The following NRXN3 variants were observed in gnomAD, a reference collection of about 807,000 sequenced individuals.
NRXN3 encodes neurexin 3, also known as neurexin III.
Under a neutral mutation model 137.6 loss-of-function variants are expected in NRXN3, and 32 were observed. The ratio of observed to expected loss-of-function variants is 0.23; its 90% CI spans 0.18 to 0.31. The LOEUF (loss-of-function observed/expected upper bound fraction) is 0.31, where lower values mean the gene tolerates loss of function less well. NRXN3 is among the 10% of genes least tolerant of loss of function. The probability of loss-of-function intolerance (pLI) is 1.00; values close to 1 mark genes in which losing one functional copy is unlikely to be tolerated. For synonymous variants in NRXN3, 798 were observed against 784.5 expected (o/e 1.02, Z -0.29); for missense variants, 1,574 against 2,062.5 (o/e 0.76, Z 4.59).
At chr14:79,256,172 G>GTC (rs111298626) in intron 15 of NRXN3, among the ~76,000 whole-genome samples, 7,619 of 145,350 alleles carry the variant, frequency 0.052, 398 homozygotes, top group African/African-American at 0.13. Context: ...CTCTCTCTCT[G>GTC]TCTCTCTCTC....
At chr14:79,100,818 G>C (rs746753849) in intron 15 of NRXN3, among the ~76,000 whole-genome samples, 17 of 152,158 alleles carry the variant, frequency 1.1e-4, no homozygotes, top group Non-Finnish European at 1.5e-5. Flanking sequence ...AAAAGTTGCT[G>C]TATTAAGTCA....
intron 1 of NRXN3, among the ~76,000 whole-genome samples, chr14:78,178,330 G>T (rs992136276): frequency 5.3e-5 from 8 of 152,200 alleles, no homozygotes; most frequent in Non-Finnish European, 1.2e-4. Flanking sequence ...TCAGTTAGAG[G>T]CATTTCAGGC....
intron 10 of NRXN3, among the ~76,000 whole-genome samples, chr14:78,856,706 G>C (rs1365371193): frequency 2.0e-5 from 3 of 151,996 alleles, no homozygotes; most frequent in African/African-American, 7.3e-5. Flanking sequence ...TATCTTTAAA[G>C]GTGATGCTCA....
At chr14:78,329,383 A>G (rs1385877836) in intron 4 of NRXN3, among the ~76,000 whole-genome samples, 2 of 152,128 alleles carry the variant, frequency 1.3e-5, no homozygotes, top group Non-Finnish European at 2.9e-5. Flanking sequence ...TGTCTCTTTA[A>G]AAAAGTAGGA....
At chr14:79,188,396 A>ATTTTTTT (rs368149497) in intron 15 of NRXN3, among the ~76,000 whole-genome samples, 7 of 147,258 alleles carry the variant, frequency 4.8e-5, no homozygotes, top group Non-Finnish European at 1.1e-4. Flanking sequence ...TACAATACAT[A>ATTTTTTT]TTTTTTTTTT....
intron 15 of NRXN3, among the ~76,000 whole-genome samples, chr14:79,193,627 TCCAAATGG>T (rs563697634): frequency 1.8e-3 from 267 of 152,246 alleles, no homozygotes; most frequent in African/African-American, 6.2e-3. Flanking sequence ...AAATTTTGGT[TCCAAATGG>T]CCAAAGTAAC....
chr14:78,203,841 TTGTGTGTGTGTGTGGTTTGTG>T (rs2061924770), intron 1 of NRXN3, among the ~76,000 whole-genome samples: 1 of 77,932 alleles, frequency 1.3e-5, no homozygotes, highest in Non-Finnish European at 2.6e-5. Context: ...TGTGTGTGGT[TTGTGTGTGTGTGTGGTTTGTG>T]TGTGTGTGTG....
chr14:79,018,291 AAAAAAGAGAG>A lies in NRXN3; in HGVS notation c.3262+30152_3262+30161del, dbSNP rs1465174030. 3.6e-3 allele frequency among the ~76,000 whole-genome samples: 94 copies of A among 25,946 alleles called. 2 individuals are homozygous for A. The highest frequency in any genetic ancestry group is 7.1e-3 in the African/African-American group (91 of 12,878). The allele number at this position is 25,946 out of a possible 152,430, so 17.0% of individuals were successfully genotyped here. On this transcript the variant is annotated intron_variant, in intron 15 of 20. Transcript: ENST00000335750. ...AAAAAAAAAAAAAAAAAAAAAAAAA[AAAAAAGAGAG>A]AGAGCAAGAAGAGTGAAAGTTATAA... is the stretch of plus-strand genomic sequence containing the variant.
chr14:78,828,207 A>C (rs1206906970), intron 10 of NRXN3, among the ~76,000 whole-genome samples: 2 of 152,198 alleles, frequency 1.3e-5, no homozygotes, highest in Non-Finnish European at 2.9e-5. Context: ...TATTGATGGC[A>C]TGTTACGTGT....
intron 10 of NRXN3, among the ~76,000 whole-genome samples, chr14:78,872,199 A>G (rs893491067): frequency 2.0e-5 from 3 of 149,284 alleles, no homozygotes; most frequent in East Asian, 1.9e-4. Flanking sequence ...TTATCTTCCA[A>G]TTCTTTTGTT....
chr14:79,268,796 AAAAC>A (rs1271339788), intron 15 of NRXN3, among the ~76,000 whole-genome samples: 2 of 152,202 alleles, frequency 1.3e-5, no homozygotes, highest in Non-Finnish European at 2.9e-5. Flanking sequence ...CTCCAATTGT[AAAAC>A]AGAGATACTT....
intron 10 of NRXN3, among the ~76,000 whole-genome samples, chr14:78,951,521 C>T (rs973847881): frequency 2.0e-5 from 3 of 152,110 alleles, no homozygotes; most frequent in African/African-American, 7.2e-5. Context: ...GTCCTCAGTC[C>T]TCACTCCCTA....
rs34099445 is a variant in NRXN3, at chr14:78,380,307, C to CAAAAAAA, written c.757+82462_757+82468dup. On this transcript the variant is annotated intron_variant, in intron 4 of 20. Transcript: ENST00000335750. ...TGGGCGACAGAGCGAGACTCCGTCT[C>CAAAAAAA]AAAAAAAAAAAAAAAAAAAAAGATG... is the stretch of plus-strand genomic sequence containing the variant. 3.0e-5 allele frequency among the ~76,000 whole-genome samples: 3 copies of CAAAAAAA among 100,500 alleles called. 1 individual carries two copies. The highest frequency in any genetic ancestry group is 1.9e-5 in the Non-Finnish European group (1 of 53,822). 65.9% of individuals were successfully genotyped at this position (100,500 alleles called of 152,430 possible).
At chr14:78,989,333 A>G (rs1204633629) in intron 15 of NRXN3, among the ~76,000 whole-genome samples, 1 of 152,126 alleles carries the variant, frequency 6.6e-6, no homozygotes, top group African/African-American at 2.4e-5. Flanking sequence ...ATCTGTGTGC[A>G]GCTGTCTGTT....
chr14:79,717,944 A>G (rs1016750046), intron 19 of NRXN3, among the ~76,000 whole-genome samples: 1 of 152,216 alleles, frequency 6.6e-6, no homozygotes, highest in Non-Finnish European at 1.5e-5. Flanking sequence ...CTATGGACCC[A>G]TCACCCTTGT....
chr14:79,175,365 C>A (rs990657715), intron 15 of NRXN3, among the ~76,000 whole-genome samples: 1 of 152,144 alleles, frequency 6.6e-6, no homozygotes, highest in Non-Finnish European at 1.5e-5. Flanking sequence ...GGATAAAGAA[C>A]AGAAGATTGA....
At chr14:78,229,623 G>A (rs543012161) in intron 1 of NRXN3, among the ~76,000 whole-genome samples, 12 of 152,196 alleles carry the variant, frequency 7.9e-5, no homozygotes, top group Non-Finnish European at 1.2e-4. Flanking sequence ...TCAAATTTCC[G>A]TCTGCTTCCC....
chr14:79,560,731 G>A (rs2097487664), intron 16 of NRXN3, among the ~76,000 whole-genome samples: 1 of 151,872 alleles, frequency 6.6e-6, no homozygotes, highest in African/African-American at 2.4e-5. Flanking sequence ...AGTAGAGACA[G>A]GGTTTCACCA....
intron 16 of NRXN3, among the ~76,000 whole-genome samples, chr14:79,518,194 G>A (rs57530235): frequency 0.18 from 27,248 of 151,682 alleles, 2,666 homozygotes; most frequent in Middle Eastern, 0.29. Flanking sequence ...CGTGAGCCAC[G>A]GCACCCAGCC....
Sources: gnomAD v4.1 joint callset for allele counts (sites outside exome capture counted in the v4.1 genomes callset) on GRCh38, gnomAD v4.1.1 for gene constraint, MANE v1.5 for transcripts, NCBI Gene and HGNC (gene_info 2026-07-23, HGNC 2026-07-21) for gene names.